KCND2: variants seen among roughly 807,000 people sequenced by gnomAD.
The protein encoded by KCND2 is A-type voltage-gated potassium channel KCND2.
Under a neutral mutation model 54.4 loss-of-function variants are expected in KCND2, and 16 were observed. The observed-to-expected ratio is 0.29, with a 90% CI of 0.20 to 0.45. The LOEUF (loss-of-function observed/expected upper bound fraction) is 0.45, where lower values mean the gene tolerates loss of function less well. Ranked by LOEUF, KCND2 falls within the 20% of genes least tolerant of loss-of-function variation. KCND2 has a pLI of 1.00. For synonymous variants in KCND2, 317 were observed against 310.7 expected, an observed-to-expected ratio of 1.02 and a Z score of -0.21; for missense variants, 486 against 824.2, an observed-to-expected ratio of 0.59 and a Z score of 5.02.
intron 1 of KCND2, among the ~76,000 whole-genome samples, chr7:120,693,645 T>A (rs969244422): frequency 1.3e-5 from 2 of 152,102 alleles, no homozygotes; most frequent in African/African-American, 4.8e-5. Context: ...CAGATCTAGC[T>A]CTGTATTTGC....
At chr7:120,696,344 T>C (rs1792332288) in intron 1 of KCND2, among the ~76,000 whole-genome samples, 1 of 152,214 alleles carries the variant, frequency 6.6e-6, no homozygotes, top group Non-Finnish European at 1.5e-5. Context: ...AAGATTACTT[T>C]AGTCATTCCC....
chr7:120,651,626 C>T (rs1791734760), intron 1 of KCND2, among the ~76,000 whole-genome samples: 2 of 152,152 alleles, frequency 1.3e-5, no homozygotes, highest in African/African-American at 4.8e-5. Flanking sequence ...CACTGTCCTG[C>T]ACCCAGTGTC....
chr7:120,720,754 C>A (rs1001548655), intron 1 of KCND2, among the ~76,000 whole-genome samples: 1 of 152,176 alleles, frequency 6.6e-6, no homozygotes, highest in South Asian at 2.1e-4. Flanking sequence ...GTGCTGGTGG[C>A]AGCTTCCTGC....
intron 1 of KCND2, among the ~76,000 whole-genome samples, chr7:120,555,365 G>C (rs886886950): frequency 6.6e-6 from 1 of 152,094 alleles, no homozygotes; most frequent in African/African-American, 2.4e-5. Flanking sequence ...TGTTCCTGAG[G>C]CTAGTCTTGA....
chr7:120,738,693 A>G (rs1274379867), intron 2 of KCND2, among the ~76,000 whole-genome samples: 1 of 152,062 alleles, frequency 6.6e-6, no homozygotes, highest in Non-Finnish European at 1.5e-5. Context: ...CGGGGGTAAG[A>G]GACTGAAAGG....
intron 1 of KCND2, among the ~76,000 whole-genome samples, chr7:120,617,120 A>G (rs1793036108): frequency 1.3e-5 from 2 of 152,198 alleles, no homozygotes; most frequent in Admixed American, 6.6e-5. Context: ...TGGGTAATTT[A>G]TATTCCAGAG....
chr7:120,551,023 A>G (rs1348048476), intron 1 of KCND2, among the ~76,000 whole-genome samples: 1 of 152,220 alleles, frequency 6.6e-6, no homozygotes, highest in East Asian at 1.9e-4. Flanking sequence ...TTTATTGTAG[A>G]GAACCAACCA....
chr7:120,452,575 A>G (rs1288346971), intron 1 of KCND2, among the ~76,000 whole-genome samples: 1 of 152,184 alleles, frequency 6.6e-6, no homozygotes, highest in Non-Finnish European at 1.5e-5. Flanking sequence ...CCTGGCCTCC[A>G]GCAACTCCTG....
intron 1 of KCND2, among the ~76,000 whole-genome samples, chr7:120,567,273 T>A (rs1158615855): frequency 6.6e-6 from 1 of 152,214 alleles, no homozygotes; most frequent in African/African-American, 2.4e-5. Flanking sequence ...CTGTGGACAG[T>A]CATATGTAAT....
Position 120,274,344 on chromosome 7 carries a change from A to C in KCND2, c.-289A>C. The C allele has an allele frequency of 1.8e-6, 1 of 546,148 alleles. No homozygotes were observed. The highest frequency in any genetic ancestry group is 2.1e-5 in the South Asian group (1 of 47,666). 33.8% of individuals were successfully genotyped at this position (546,148 alleles called of 1,614,324 possible). ...GCACCTGTGTGCTTATTTGTGCCAG[A>C]GGGTGGCCTAGCCCACCTGCAGGAA... is the stretch of plus-strand genomic sequence containing the variant. On this transcript the variant is annotated 5_prime_UTR_variant, in exon 1 of 6. Coordinates refer to ENST00000331113, the MANE Select transcript of KCND2 (RefSeq NM_012281.3).
chr7:120,395,857 A>AC (rs1801147982), intron 1 of KCND2, among the ~76,000 whole-genome samples: 1 of 151,904 alleles, frequency 6.6e-6, no homozygotes, highest in African/African-American at 2.4e-5. Context: ...TGGCCTCTTC[A>AC]CTGCATGCTA....
At chr7:120,590,958 TA>T (rs1365370394) in intron 1 of KCND2, among the ~76,000 whole-genome samples, 1 of 152,196 alleles carries the variant, frequency 6.6e-6, no homozygotes, top group Admixed American at 6.5e-5. Flanking sequence ...GATGGTTGAA[TA>T]TTTTTTTTCT....
At chr7:120,464,698 T>C (rs1195510842) in intron 1 of KCND2, among the ~76,000 whole-genome samples, 3 of 152,194 alleles carry the variant, frequency 2.0e-5, no homozygotes, top group Non-Finnish European at 2.9e-5. Flanking sequence ...TTCAAGCTAA[T>C]GACATAATCT....
intron 1 of KCND2, among the ~76,000 whole-genome samples, chr7:120,307,483 G>T (rs1799665601): frequency 6.6e-6 from 1 of 152,146 alleles, no homozygotes; most frequent in East Asian, 1.9e-4. Context: ...GTGAAAATTG[G>T]TTAAGAACTA....
chr7:120,513,354 C>CTTTATCATTATT (rs1803148234), intron 1 of KCND2, among the ~76,000 whole-genome samples: 1 of 152,094 alleles, frequency 6.6e-6, no homozygotes, highest in Non-Finnish European at 1.5e-5. Context: ...CATTATTTTT[C>CTTTATCATTATT]TTCTCACAAG....
At chr7:120,403,485 T>A (rs1225001886) in intron 1 of KCND2, among the ~76,000 whole-genome samples, 1 of 148,116 alleles carries the variant, frequency 6.8e-6, no homozygotes, top group African/African-American at 2.5e-5. Context: ...CCGGCTAATT[T>A]TTTTTTTTTT....
intron 1 of KCND2, among the ~76,000 whole-genome samples, chr7:120,515,729 G>A (rs947238903): frequency 2.0e-5 from 3 of 152,098 alleles, no homozygotes; most frequent in Admixed American, 1.3e-4. Context: ...GAACTATGGA[G>A]CTAATAGATG....
At chr7:120,709,795 T>A (rs776299561) in intron 1 of KCND2, among the ~76,000 whole-genome samples, 12 of 152,154 alleles carry the variant, frequency 7.9e-5, no homozygotes, top group Non-Finnish European at 1.6e-4. Context: ...AGCACTGGCT[T>A]GGAATCTTAC....
chr7:120,385,796 G>A (rs182793123), intron 1 of KCND2, among the ~76,000 whole-genome samples: 1 of 152,032 alleles, frequency 6.6e-6, no homozygotes, highest in Non-Finnish European at 1.5e-5. Context: ...GCCATATACC[G>A]GTATTTTTGT....
Sources: gnomAD v4.1 joint callset for allele counts (sites outside exome capture counted in the v4.1 genomes callset) on GRCh38, gnomAD v4.1.1 for gene constraint, MANE v1.5 for transcripts, NCBI Gene and HGNC (gene_info 2026-07-23, HGNC 2026-07-21) for gene names.